Variants in SRSF4 observed in about 807,000 individuals in gnomAD.
SRSF4 encodes serine/arginine-rich splicing factor 4.
A neutral mutation model predicts 48.8 loss-of-function variants in SRSF4; 12 were observed. That is an observed-to-expected ratio of 0.25 (90% CI 0.16 to 0.40). The LOEUF (loss-of-function observed/expected upper bound fraction) is 0.40, where lower values mean the gene tolerates loss of function less well. Among genes scored for constraint, SRSF4 ranks in the 10% least tolerant of loss-of-function variants. SRSF4 has a pLI of 1.00. For synonymous variants in SRSF4, 248 were observed against 232.5 expected, an observed-to-expected ratio of 1.07 and a Z score of -0.61; for missense variants, 466 against 667.1, an observed-to-expected ratio of 0.70 and a Z score of 3.32.
intron 5 of SRSF4, 85 bp downstream of exon 5, chr1:29,150,018 T>A: frequency 1.7e-6 from 2 of 1,151,098 alleles, no homozygotes; most frequent in South Asian, 1.3e-5. Flanking sequence ...ACAGAGTGTC[T>A]CTTTGAAAAA....
chr1:29,154,384 A>G (rs993845001), intron 4 of SRSF4: 3 of 272,798 alleles, frequency 1.1e-5, no homozygotes, highest in Non-Finnish European at 2.1e-5. Context: ...TTTAGTACAG[A>G]TGGGGTTTCA....
intron 2 of SRSF4, 36 bp from the exon 3 acceptor site, chr1:29,159,522 G>A: frequency 1.3e-6 from 2 of 1,495,856 alleles, no homozygotes; most frequent in Admixed American, 1.8e-5. Context: ...TTATTTCAGT[G>A]GAAGAAAAGG....
intron 4 of SRSF4, among the ~76,000 whole-genome samples, chr1:29,153,916 T>A (rs568609366): frequency 1.3e-5 from 2 of 151,860 alleles, no homozygotes; most frequent in East Asian, 3.9e-4. Context: ...TTTCCCTTTT[T>A]GAGATGGAGT....
chr1:29,162,602 C>T (rs115518839), intron 1 of SRSF4, among the ~76,000 whole-genome samples: 1 of 152,168 alleles, frequency 6.6e-6, no homozygotes, highest in South Asian at 2.1e-4. Context: ...GCTTTTGGCA[C>T]CATGTGAGAG....
chr1:29,167,589 T>C (rs1458284268), intron 1 of SRSF4, among the ~76,000 whole-genome samples: 7 of 152,224 alleles, frequency 4.6e-5, no homozygotes, highest in African/African-American at 1.4e-4. Context: ...TTCACCATGT[T>C]GGTCAGGCTT....
At chr1:29,160,620 G>T in intron 1 of SRSF4, 103 bp from the exon 2 acceptor site, 1 of 1,355,144 alleles carries the variant, frequency 7.4e-7, no homozygotes, top group East Asian at 2.6e-5. Context: ...AAGGTTAGGT[G>T]GATTTTGCAA....
chr1:29,147,940 CTG>C lies in SRSF4; in HGVS notation c.*468_*469del, dbSNP rs567706897. 81 of 377,408 alleles carry C rather than the reference CTG, an allele frequency of 2.1e-4. 1 individual carries two copies. Among genetic ancestry groups the C allele is most frequent in the African/African-American group, 1.6e-3 (76 of 47,818 alleles). 23.4% of individuals were successfully genotyped at this position (377,408 alleles called of 1,614,324 possible). A position where few individuals can be genotyped will look rare whatever the true frequency, so the allele number is the denominator to read the frequency against. On this transcript the variant is annotated 3_prime_UTR_variant, in exon 6 of 6. Coordinates refer to ENST00000373795, the MANE Select transcript of SRSF4 (RefSeq NM_005626.5). ...TACTGCAGGTATCAATTTTCCTCGA[CTG>C]TGCTATTCACAACTTTGTTAAGTCC... is the stretch of plus-strand genomic sequence containing the variant.
In SRSF4 at chr1:29,149,366, C is replaced by T. The variant is rs1672366366; in HGVS notation, c.669-140G>A. Reference sequence around the variant, plus strand: ...CACTGGCTGAGGATTGTTTTCTGAACCCTCACAATGCCAATCAGAAGCTGG... The same window carrying T: ...CACTGGCTGAGGATTGTTTTCTGAATCCTCACAATGCCAATCAGAAGCTGG... On this transcript the variant is annotated intron_variant, in intron 5 of 5. Transcript: ENST00000373795. The T allele has an allele frequency of 4.5e-6, 5 of 1,102,352 alleles. No individual in the cohort carries two copies. The South Asian group carries it at 8.2e-5, about 18-fold the overall frequency. 68.3% of individuals were successfully genotyped at this position (1,102,352 alleles called of 1,614,324 possible).
chr1:29,172,785 G>C (rs375827072), intron 1 of SRSF4: 2 of 152,208 alleles, frequency 1.3e-5, no homozygotes, highest in East Asian at 3.9e-4. Context: ...TGTACTCAGG[G>C]ATAATAAAAA....
rs576792991 is a variant in SRSF4 at position 29,153,583 on chromosome 1, G to C, written c.578+1113C>G. Among the ~76,000 whole-genome samples the C allele has an allele frequency of 5.4e-4, 82 of 152,046 alleles. 1 individual carries two copies. The highest frequency in any genetic ancestry group is 3.4e-3 in the Middle Eastern group (1 of 294). On this transcript the variant is annotated intron_variant, in intron 4 of 5. Coordinates refer to ENST00000373795, the MANE Select transcript of SRSF4 (RefSeq NM_005626.5). Reference sequence around the variant, plus strand: ...AGGGGTCCCAAGAAGAAATGTGAAAGGTGGCCTCTGATTTCCATTTTTTTT... The same window carrying C: ...AGGGGTCCCAAGAAGAAATGTGAAACGTGGCCTCTGATTTCCATTTTTTTT...
intron 2 of SRSF4, 27 bp downstream of exon 2, chr1:29,160,348 A>G: frequency 1.3e-6 from 2 of 1,592,492 alleles, no homozygotes; most frequent in Non-Finnish European, 1.7e-6. Flanking sequence ...CACGTTACTG[A>G]TAAAAGTATG....
rs777254037 is a variant in SRSF4 at position 29,154,857 on chromosome 1, G to A, written c.417C>T (p.Arg139=). 6.2e-6 allele frequency: 10 copies of A among 1,613,562 alleles called. No individual in the cohort carries two copies. The highest frequency in any genetic ancestry group is 1.3e-5 in the African/African-American group (1 of 74,854). ...EVTYADAHKG[R]KNEGVIEFVS... Reference sequence around the variant, plus strand: ...CAAATTCAATCACCCCTTCATTTTTGCGTCCCTTGTGAGCATCTGCATAAG... The same window carrying A: ...CAAATTCAATCACCCCTTCATTTTTACGTCCCTTGTGAGCATCTGCATAAG... The change falls in exon 4 of 6, where the codon CGC becomes CGT. Residue 139 remains arginine (R), a synonymous_variant. Coordinates refer to ENST00000373795, the MANE Select transcript of SRSF4 (RefSeq NM_005626.5).
At position 29,148,631 on chromosome 1, in the gene SRSF4, A is replaced by G; in HGVS notation, c.1264T>C (p.Ser422Pro). 6.2e-7 allele frequency: 1 copy of G among 1,614,074 alleles called. No homozygotes were observed. Among genetic ancestry groups the G allele is most frequent in the East Asian group, 2.2e-5 (1 of 44,874 alleles). Reference protein sequence around the residue: ...SKEREHAKSESSQREGRGESE... With the variant: ...SKEREHAKSEPSQREGRGESE... ...TCTCCTCGACCTTCCCTCTGGCTGGATTCAGACTTGGCATGTTCCCGCTCC... is the reference window on the plus strand; with the variant it reads ...TCTCCTCGACCTTCCCTCTGGCTGGGTTCAGACTTGGCATGTTCCCGCTCC... Residue 422 changes from serine to proline, a missense_variant, in exon 6 of 6, where the codon TCC (serine) becomes CCC (proline). Ser to Pro is a moderately conservative substitution (Grantham distance 74). Around this residue, in one of 2 missense-constraint regions of SRSF4, gnomAD observed 402 missense variants for 437.0 expected, o/e 0.92. Coordinates refer to ENST00000373795, the MANE Select transcript of SRSF4 (RefSeq NM_005626.5).
intron 1 of SRSF4, among the ~76,000 whole-genome samples, chr1:29,181,370 C>T (rs891869747): frequency 6.6e-6 from 1 of 152,340 alleles, no homozygotes; most frequent in Non-Finnish European, 1.5e-5. Context: ...AGCTGTGCCC[C>T]CCTGCCCGGA....
At chr1:29,159,036 G>A (rs1045238572) in intron 3 of SRSF4, among the ~76,000 whole-genome samples, 17 of 152,092 alleles carry the variant, frequency 1.1e-4, no homozygotes, top group African/African-American at 3.9e-4. Flanking sequence ...AACCCGGGAG[G>A]CGGAGGCTGC....
At chr1:29,170,559 C>A (rs1672732860) in intron 1 of SRSF4, 2 of 152,174 alleles carry the variant, frequency 1.3e-5, no homozygotes, top group Non-Finnish European at 2.9e-5. Flanking sequence ...TCTGTTTCTT[C>A]ATTTTCATTT....
At chr1:29,153,545 G>C (rs1037158022) in intron 4 of SRSF4, among the ~76,000 whole-genome samples, 4 of 151,980 alleles carry the variant, frequency 2.6e-5, no homozygotes, top group Admixed American at 1.3e-4. Context: ...CATCAACCAA[G>C]GTAGTAGGAT....
At chr1:29,150,377 G>A (rs1445695259) in intron 4 of SRSF4, among the ~76,000 whole-genome samples, 185 bp from the exon 5 acceptor site, 2 of 152,032 alleles carry the variant, frequency 1.3e-5, no homozygotes, top group Non-Finnish European at 2.9e-5. Flanking sequence ...CGATTCTCCT[G>A]CCTCAGCCTC....
At chr1:29,150,061 ATTCCC>A (rs1672382506) in intron 5 of SRSF4, 37 bp downstream of exon 5, 3 of 1,532,372 alleles carry the variant, frequency 2.0e-6, no homozygotes. Flanking sequence ...GGGTACAGGC[ATTCCC>A]TGCTGACCAC....
Sources: allele counts gnomAD v4.1 joint callset (sites outside exome capture counted in the v4.1 genomes callset), GRCh38; gene constraint gnomAD v4.1.1; regional missense constraint gnomAD v4.1.1; transcripts MANE v1.5; gene names NCBI Gene and HGNC (gene_info 2026-07-23, HGNC 2026-07-21).